Variants in MINDY3 observed in about 807,000 individuals in gnomAD.
MINDY3 encodes MINDY lysine 48 deubiquitinase 3, also known as ubiquitin carboxyl-terminal hydrolase MINDY-3.
MINDY3 carries 38 observed loss-of-function variants against 69.2 expected under a neutral mutation model. The observed-to-expected ratio is 0.55, with a 90% CI of 0.42 to 0.72. The LOEUF (loss-of-function observed/expected upper bound fraction) is 0.72. Among genes scored for constraint, MINDY3 ranks in the 30% least tolerant of loss-of-function variants. The probability of loss-of-function intolerance (pLI) is 0.00; values close to 1 mark genes in which losing one functional copy is unlikely to be tolerated. For missense variants in MINDY3, 522 were observed against 519.0 expected, an observed-to-expected ratio of 1.01 and a Z score of -0.06; for synonymous variants, 192 against 180.1, an observed-to-expected ratio of 1.07 and a Z score of -0.53.
intron 10 of MINDY3, among the ~76,000 whole-genome samples, chr10:15,812,400 A>C (rs1839066247): frequency 6.6e-6 from 1 of 152,180 alleles, no homozygotes; most frequent in African/African-American, 2.4e-5. Context: ...AGAAGGTTAA[A>C]TTCAATACAG....
At chr10:15,843,314 C>T (rs1833609044) in intron 2 of MINDY3, 42 bp from the exon 3 acceptor site, 2 of 1,429,054 alleles carry the variant, frequency 1.4e-6, no homozygotes, top group Non-Finnish European at 2.0e-6. Context: ...TGCATTATAA[C>T]CATACATCAT....
intron 11 of MINDY3, 108 bp downstream of exon 11, chr10:15,795,992 C>T (rs1487929952): frequency 1.9e-5 from 16 of 859,810 alleles, no homozygotes; most frequent in East Asian, 1.5e-4. Flanking sequence ...ACACAACTTA[C>T]ATTTCATTAA....
At chr10:15,829,649 G>A (rs995939163) in intron 8 of MINDY3, among the ~76,000 whole-genome samples, 13 of 152,184 alleles carry the variant, frequency 8.5e-5, no homozygotes, top group African/African-American at 1.7e-4. Flanking sequence ...CTAACAGGAC[G>A]TGTAAAATAA....
intron 12 of MINDY3, among the ~76,000 whole-genome samples, chr10:15,787,906 G>A (rs542867591): frequency 1.3e-5 from 2 of 152,198 alleles, no homozygotes; most frequent in South Asian, 2.1e-4. Flanking sequence ...CTGTATTACA[G>A]TTGTAAATAG....
At chr10:15,851,636 C>CCTATA (rs1402934060) in intron 1 of MINDY3, among the ~76,000 whole-genome samples, 1 of 152,026 alleles carries the variant, frequency 6.6e-6, no homozygotes, top group Non-Finnish European at 1.5e-5. Flanking sequence ...TCCAGTCCAC[C>CCTATA]CTATAGTTCA....
At chr10:15,811,631 C>A (rs1199043558) in intron 10 of MINDY3, among the ~76,000 whole-genome samples, 1 of 152,104 alleles carries the variant, frequency 6.6e-6, no homozygotes, top group African/African-American at 2.4e-5. Context: ...CTCAAAACTG[C>A]TACTATTTAA....
intron 10 of MINDY3, among the ~76,000 whole-genome samples, chr10:15,812,330 T>A (rs1391155596): frequency 1.3e-5 from 2 of 152,220 alleles, no homozygotes; most frequent in African/African-American, 4.8e-5. Context: ...GTGTTAAATA[T>A]TACTCACAAC....
chr10:15,780,059 A>G (rs1836405219), intron 14 of MINDY3, among the ~76,000 whole-genome samples: 2 of 152,214 alleles, frequency 1.3e-5, no homozygotes, highest in African/African-American at 2.4e-5. Flanking sequence ...GTCTTCTTCC[A>G]AAGTGTATAA....
Position 15,783,846 on chromosome 10 carries a change from A to T in MINDY3, c.1117-1620T>A, listed in dbSNP as rs114990664. Among the ~76,000 whole-genome samples the T allele has an allele frequency of 5.3e-3, 813 of 152,178 alleles. 4 individuals are homozygous for T. The highest frequency in any genetic ancestry group is 0.018 in the African/African-American group (737 of 41,466). On this transcript the variant is annotated intron_variant, in intron 13 of 14. Transcript: ENST00000277632. ...TCAGAGTTAAATTATTTGAACTTAA[A>T]TAACCATTTTCCTGTAACTGAATAT...
intron 1 of MINDY3, among the ~76,000 whole-genome samples, chr10:15,854,994 T>C (rs182162008): frequency 6.6e-6 from 1 of 152,214 alleles, no homozygotes; most frequent in African/African-American, 2.4e-5. Context: ...AGAGGCAAAA[T>C]TAAGATCTGC....
At chr10:15,804,472 A>C (rs1409155276) in intron 10 of MINDY3, among the ~76,000 whole-genome samples, 1 of 152,130 alleles carries the variant, frequency 6.6e-6, no homozygotes, top group Non-Finnish European at 1.5e-5. Flanking sequence ...AGGTCTTTAA[A>C]GTTTTTCTCA....
chr10:15,809,850 G>C (rs1361104756), intron 10 of MINDY3, among the ~76,000 whole-genome samples: 5 of 152,222 alleles, frequency 3.3e-5, no homozygotes, highest in East Asian at 3.9e-4. Flanking sequence ...GACAGAGACA[G>C]AGGGTTAGTA....
intron 10 of MINDY3, among the ~76,000 whole-genome samples, chr10:15,803,462 C>T (rs938978127): frequency 6.6e-6 from 1 of 151,908 alleles, no homozygotes; most frequent in South Asian, 2.1e-4. Context: ...GTATAACTGC[C>T]GTATTTTTCT....
intron 6 of MINDY3, among the ~76,000 whole-genome samples, chr10:15,836,522 G>C (rs934471621): frequency 2.0e-5 from 3 of 151,788 alleles, no homozygotes; most frequent in Admixed American, 1.3e-4. Context: ...TCAAATAAAA[G>C]AAGTTTGATT....
intron 10 of MINDY3, among the ~76,000 whole-genome samples, chr10:15,798,458 C>T (rs1262024409): frequency 7.0e-6 from 1 of 142,606 alleles, no homozygotes; most frequent in Non-Finnish European, 1.5e-5. Flanking sequence ...TCTCTAAGTG[C>T]CAAGTGTTTT....
At chr10:15,821,240 A>G (rs1839735881) in intron 9 of MINDY3, among the ~76,000 whole-genome samples, 1 of 152,188 alleles carries the variant, frequency 6.6e-6, no homozygotes, top group Admixed American at 6.5e-5. Context: ...AAAAGTCAGA[A>G]TTTCAGGCAT....
intron 8 of MINDY3, among the ~76,000 whole-genome samples, chr10:15,827,599 A>G (rs1840180954): frequency 6.6e-6 from 1 of 152,048 alleles, no homozygotes; most frequent in African/African-American, 2.4e-5. Context: ...AAAAAAATAT[A>G]TCATTAACAA....
chr10:15,854,846 G>C (rs1179648907), intron 1 of MINDY3, among the ~76,000 whole-genome samples: 1 of 152,000 alleles, frequency 6.6e-6, no homozygotes, highest in African/African-American at 2.4e-5. Flanking sequence ...TAATAAGAAA[G>C]TGACAACTAA....
At chr10:15,798,556 T>C (rs979481263) in intron 10 of MINDY3, among the ~76,000 whole-genome samples, 2 of 151,610 alleles carry the variant, frequency 1.3e-5, no homozygotes, top group African/African-American at 4.9e-5. Context: ...GGTGGGCAGA[T>C]AACGAGGTCA....
Sources: gnomAD v4.1 joint callset for allele counts (sites outside exome capture counted in the v4.1 genomes callset) on GRCh38, gnomAD v4.1.1 for gene constraint, MANE v1.5 for transcripts, NCBI Gene and HGNC (gene_info 2026-07-23, HGNC 2026-07-21) for gene names.